MCPH1: variants seen among roughly 807,000 people sequenced by gnomAD.
MCPH1 encodes microcephalin 1.
A neutral mutation model predicts 84.5 loss-of-function variants in MCPH1; 104 were observed. The observed-to-expected ratio is 1.23, with a 90% CI of 1.05 to 1.45. The LOEUF is 1.45. Ranked by LOEUF, MCPH1 falls within the 40% of genes most tolerant of loss-of-function variation. MCPH1 has a pLI of 0.00. For missense variants in MCPH1, 1,498 were observed against 1,005.7 expected (o/e 1.49, Z -6.62); for synonymous variants, 514 against 366.8 (o/e 1.40, Z -4.58).
At chr8:6,428,712 G>T (rs1233435033) in intron 3 of MCPH1, among the ~76,000 whole-genome samples, 1 of 151,952 alleles carries the variant, frequency 6.6e-6, no homozygotes, top group East Asian at 1.9e-4. Flanking sequence ...TTTTATGGTG[G>T]AATCATGTTC....
rs376775654 is a variant in MCPH1 at position 6,562,723 on chromosome 8, A to G, written c.2215-58731A>G. 1.1e-5 allele frequency: 18 copies of G among 1,613,188 alleles called. No individual in the cohort carries two copies. The highest frequency in any genetic ancestry group is 1.6e-4 in the Middle Eastern group (1 of 6,080). On this transcript the variant is annotated intron_variant, in intron 12 of 13. Transcript: ENST00000344683. ...CCTCTGCACCGAGTCATCGTATTCG[A>G]GCGGCGCGTCCCTCTGCACAGCATT...
intron 12 of MCPH1, among the ~76,000 whole-genome samples, chr8:6,512,206 C>T (rs1815281910): frequency 6.6e-6 from 1 of 152,230 alleles, no homozygotes; most frequent in South Asian, 2.1e-4. Context: ...AATTTTCATC[C>T]ACTGTTTGTA....
At position 6,414,815 on chromosome 8, in the gene MCPH1, C is replaced by T. The variant is rs772896845; in HGVS notation, c.165C>T (p.Gly55=). Reference sequence around the variant, plus strand: ...TAACTCACGTTATCTTCAAAGATGGCTACCAGAGCACTTGGGACAAAGCTC... The same window carrying T: ...TAACTCACGTTATCTTCAAAGATGGTTACCAGAGCACTTGGGACAAAGCTC... ...KQVTHVIFKD[G]YQSTWDKAQK... is the part of the protein sequence containing the mutation. The change falls in exon 3 of 14, where the codon GGC becomes GGT. Residue 55 remains glycine, a synonymous_variant. Coordinates refer to ENST00000344683, the MANE Select transcript of MCPH1 (RefSeq NM_024596.5). 5 of 1,613,600 alleles carry T rather than the reference C, an allele frequency of 3.1e-6. No homozygotes were observed. In the African/African-American group the frequency reaches 6.7e-5, roughly 22 times the overall value.
chr8:6,596,483 C>A (rs1356344052), intron 12 of MCPH1, among the ~76,000 whole-genome samples: 1 of 152,162 alleles, frequency 6.6e-6, no homozygotes, highest in Non-Finnish European at 1.5e-5. Flanking sequence ...ATCTTATAAG[C>A]CTGTACACAT....
At chr8:6,415,504 C>T (rs1268281181) in intron 3 of MCPH1, among the ~76,000 whole-genome samples, 2 of 151,952 alleles carry the variant, frequency 1.3e-5, no homozygotes, top group Non-Finnish European at 2.9e-5. Flanking sequence ...CAGGCACGCA[C>T]CACCATGCCT....
chr8:6,567,944 C>T (rs1209213271), intron 12 of MCPH1, among the ~76,000 whole-genome samples: 1 of 152,232 alleles, frequency 6.6e-6, no homozygotes, highest in Non-Finnish European at 1.5e-5. Context: ...TGCTGAACAG[C>T]TGTGCATAGT....
At chr8:6,638,595 A>ATT (rs1453606979) in intron 13 of MCPH1, among the ~76,000 whole-genome samples, 1 of 117,310 alleles carries the variant, frequency 8.5e-6, no homozygotes, top group African/African-American at 3.0e-5. Context: ...AAAAAAAAAA[A>ATT]TTTTTTTTTT....
chr8:6,566,936 CGGTG>C (rs1826221088), intron 12 of MCPH1, among the ~76,000 whole-genome samples: 1 of 126,476 alleles, frequency 7.9e-6, no homozygotes, highest in African/African-American at 3.7e-5. Flanking sequence ...GCACGCGGTG[CGGTG>C]ACCGTGTGTG....
At chr8:6,586,875 G>T (rs531425147) in intron 12 of MCPH1, among the ~76,000 whole-genome samples, 1 of 152,172 alleles carries the variant, frequency 6.6e-6, no homozygotes, top group Non-Finnish European at 1.5e-5. Context: ...TAAACCACCC[G>T]TAATGTAGAC....
chr8:6,551,642 C>A (rs1410435320), intron 12 of MCPH1, among the ~76,000 whole-genome samples: 1 of 152,128 alleles, frequency 6.6e-6, no homozygotes, highest in Non-Finnish European at 1.5e-5. Context: ...AAAAATGATT[C>A]AGGTCAGGAA....
Position 6,564,625 on chromosome 8 carries a change from G to A in MCPH1, c.2215-56829G>A, listed in dbSNP as rs113779460. Among the ~76,000 whole-genome samples, 1,307 of 152,280 alleles carry A rather than the reference G, an allele frequency of 8.6e-3. 10 individuals are homozygous for A. The highest frequency in any genetic ancestry group is 0.013 in the South Asian group (63 of 4,826). On this transcript the variant is annotated intron_variant, in intron 12 of 13. Coordinates refer to ENST00000344683, the MANE Select transcript of MCPH1 (RefSeq NM_024596.5). ...ACAAGGTTTATTATTCCCAGTGAGC[G>A]CTGAATAGCTGGTACACTGACTTAA...
At chr8:6,549,806 C>T (rs1025343751) in intron 12 of MCPH1, among the ~76,000 whole-genome samples, 4 of 152,156 alleles carry the variant, frequency 2.6e-5, no homozygotes, top group Admixed American at 1.3e-4. Flanking sequence ...TGCACAGGTG[C>T]GCACAGATAC....
intron 9 of MCPH1, among the ~76,000 whole-genome samples, chr8:6,468,174 G>A (rs1041970036): frequency 6.6e-6 from 1 of 152,198 alleles, no homozygotes; most frequent in African/African-American, 2.4e-5. Context: ...AGTGCACCCT[G>A]CCTGCACCTC....
Position 6,481,104 on chromosome 8 carries a change from A to C in MCPH1, c.2136+228A>C, listed in dbSNP as rs140616360. On this transcript the variant is annotated intron_variant, in intron 11 of 13. Transcript: ENST00000344683. ...CAGGAGGACGGGGAGGGTAGAGAGC[A>C]GGAAGTGAGTAGCCTCTAAGATAAA... Among the ~76,000 whole-genome samples the C allele has an allele frequency of 5.9e-5, 9 of 152,328 alleles. No individual in the cohort carries two copies. The East Asian group carries it at 1.7e-3, about 29-fold the overall frequency.
chr8:6,428,112 C>T (rs956198563), intron 3 of MCPH1, among the ~76,000 whole-genome samples: 11 of 152,048 alleles, frequency 7.2e-5, no homozygotes, highest in Admixed American at 6.6e-4. Flanking sequence ...TTTGGCCTTA[C>T]TATAGCTTTT....
chr8:6,608,842 A>T (rs1284010679), intron 12 of MCPH1, among the ~76,000 whole-genome samples: 1 of 152,182 alleles, frequency 6.6e-6, no homozygotes, highest in African/African-American at 2.4e-5. Flanking sequence ...GGGAGCTTTA[A>T]CAATCACTAA....
At chr8:6,415,395 C>G (rs1423935953) in intron 3 of MCPH1, among the ~76,000 whole-genome samples, 1 of 151,250 alleles carries the variant, frequency 6.6e-6, no homozygotes, top group African/African-American at 2.4e-5. Flanking sequence ...TCAAGTGATT[C>G]TTATGCCTCA....
intron 10 of MCPH1, among the ~76,000 whole-genome samples, chr8:6,478,838 C>T (rs1041959212): frequency 3.3e-5 from 5 of 151,944 alleles, no homozygotes; most frequent in Non-Finnish European, 7.4e-5. Flanking sequence ...GTGATGAGGC[C>T]CAGATCTTGA....
chr8:6,622,274 G>A (rs1329725662), intron 13 of MCPH1: 2 of 166,916 alleles, frequency 1.2e-5, no homozygotes, highest in Non-Finnish European at 2.6e-5. Flanking sequence ...CGATTCTGGG[G>A]AGGAAGAGGT....
Sources: allele counts gnomAD v4.1 joint callset (sites outside exome capture counted in the v4.1 genomes callset), GRCh38; gene constraint gnomAD v4.1.1; transcripts MANE v1.5; gene names NCBI Gene and HGNC (gene_info 2026-07-23, HGNC 2026-07-21).